The following TMEM132D variants were observed in gnomAD, a reference collection of about 807,000 sequenced individuals.
The protein encoded by TMEM132D is mature OL transmembrane protein.
Under a neutral mutation model 62.3 loss-of-function variants are expected in TMEM132D, and 21 were observed. The observed-to-expected ratio is 0.34, with a 90% confidence interval of 0.24 to 0.49. The LOEUF is 0.49. Ranked by LOEUF, TMEM132D falls within the 20% of genes least tolerant of loss-of-function variation. The pLI, the probability that TMEM132D is intolerant of heterozygous loss-of-function variation, is 0.99. For missense variants in TMEM132D, 1,346 were observed against 1,402.8 expected (o/e 0.96, Z 0.65); for synonymous variants, 621 against 575.6 (o/e 1.08, Z -1.13).
At chr12:129,620,877 G>A (rs1565925812) in intron 2 of TMEM132D, among the ~76,000 whole-genome samples, 1 of 152,134 alleles carries the variant, frequency 6.6e-6, no homozygotes, top group Non-Finnish European at 1.5e-5. Flanking sequence ...GCACACTGGG[G>A]TTAATACCTA....
intron 2 of TMEM132D, among the ~76,000 whole-genome samples, chr12:129,678,946 T>G (rs916396303): frequency 6.6e-6 from 1 of 152,056 alleles, no homozygotes; most frequent in East Asian, 1.9e-4. Flanking sequence ...GGTCTGTTTT[T>G]GGGCTTTTTC....
intron 2 of TMEM132D, among the ~76,000 whole-genome samples, chr12:129,548,189 T>A (rs570305354): frequency 2.6e-5 from 4 of 152,138 alleles, no homozygotes; most frequent in Non-Finnish European, 5.9e-5. Context: ...GGCCTTGGGG[T>A]TCCCGCCTAT....
intron 4 of TMEM132D, among the ~76,000 whole-genome samples, chr12:129,297,006 G>A (rs1426998651): frequency 6.6e-6 from 1 of 152,148 alleles, no homozygotes. Flanking sequence ...TGCTCTGCAG[G>A]GTGCTAATTC....
At chr12:129,747,215 T>TCTCCCTCCTCCCCCTCCTTCTC (rs1555229164) in intron 1 of TMEM132D, among the ~76,000 whole-genome samples, 1 of 26,172 alleles carries the variant, frequency 3.8e-5, no homozygotes, top group African/African-American at 8.3e-5. Flanking sequence ...TACTCCTCCT[T>TCTCCCTCCTCCCCCTCCTTCTC]CCAGCCACCC....
At chr12:129,324,387 G>T (rs1330610820) in intron 4 of TMEM132D, among the ~76,000 whole-genome samples, 4 of 152,172 alleles carry the variant, frequency 2.6e-5, no homozygotes, top group Non-Finnish European at 5.9e-5. Context: ...TTGCCATTTG[G>T]TGCCTGCCTG....
At chr12:129,540,671 G>C (rs778933049) in intron 2 of TMEM132D, among the ~76,000 whole-genome samples, 1 of 152,070 alleles carries the variant, frequency 6.6e-6, no homozygotes, top group Admixed American at 6.6e-5. Context: ...ATTTTTAGTA[G>C]AGATGGGGTT....
chr12:129,869,630 G>C (rs768190781), intron 1 of TMEM132D, among the ~76,000 whole-genome samples: 1 of 152,168 alleles, frequency 6.6e-6, no homozygotes, highest in Non-Finnish European at 1.5e-5. Flanking sequence ...CACGAATACA[G>C]AGCACTGTCT....
chr12:129,448,097 T>C (rs1217374724), intron 3 of TMEM132D, among the ~76,000 whole-genome samples: 15 of 152,342 alleles, frequency 9.8e-5, no homozygotes, highest in Non-Finnish European at 1.5e-5. Flanking sequence ...CCACGGACTG[T>C]AGTCTATGTC....
intron 3 of TMEM132D, among the ~76,000 whole-genome samples, chr12:129,364,634 A>T (rs748652576): frequency 1.3e-5 from 2 of 152,176 alleles, no homozygotes; most frequent in Non-Finnish European, 2.9e-5. Flanking sequence ...TTTGTCTGGC[A>T]TTGGATTCTG....
At chr12:129,499,559 C>T (rs1875063881) in intron 3 of TMEM132D, among the ~76,000 whole-genome samples, 1 of 152,196 alleles carries the variant, frequency 6.6e-6, no homozygotes, top group South Asian at 2.1e-4. Context: ...GGGACACATA[C>T]ACTGAGTGCA....
At chr12:129,374,956 C>A (rs1870741920) in intron 3 of TMEM132D, among the ~76,000 whole-genome samples, 1 of 152,132 alleles carries the variant, frequency 6.6e-6, no homozygotes, top group African/African-American at 2.4e-5. Context: ...GACATCAGAG[C>A]CGTCCCTACC....
intron 2 of TMEM132D, among the ~76,000 whole-genome samples, chr12:129,675,892 C>T (rs1379269506): frequency 6.6e-6 from 1 of 152,200 alleles, no homozygotes; most frequent in Non-Finnish European, 1.5e-5. Context: ...GTCTGAGATC[C>T]ATGACCATGA....
At chr12:129,789,521 C>T (rs908181058) in intron 1 of TMEM132D, among the ~76,000 whole-genome samples, 1 of 152,148 alleles carries the variant, frequency 6.6e-6, no homozygotes, top group East Asian at 1.9e-4. Flanking sequence ...GCAGTATATG[C>T]AATATACACC....
At chr12:129,113,513 C>T (rs1468901097) in intron 5 of TMEM132D, among the ~76,000 whole-genome samples, 2 of 152,130 alleles carry the variant, frequency 1.3e-5, no homozygotes, top group African/African-American at 4.8e-5. Context: ...CTTCATCGAG[C>T]TTACACACTG....
At chr12:129,299,225 A>G (rs993223155) in intron 4 of TMEM132D, among the ~76,000 whole-genome samples, 6 of 152,190 alleles carry the variant, frequency 3.9e-5, no homozygotes, top group Non-Finnish European at 8.8e-5. Flanking sequence ...GAATGGTAGG[A>G]ACCTGGAGGT....
At chr12:129,558,085 A>G (rs1877111872) in intron 2 of TMEM132D, among the ~76,000 whole-genome samples, 1 of 152,086 alleles carries the variant, frequency 6.6e-6, no homozygotes, top group African/African-American at 2.4e-5. Flanking sequence ...AACAACCCCA[A>G]CTCTTGCTGG....
chr12:129,647,787 GA>G (rs1169498161), intron 2 of TMEM132D, among the ~76,000 whole-genome samples: 1 of 151,926 alleles, frequency 6.6e-6, no homozygotes, highest in Non-Finnish European at 1.5e-5. Context: ...TTGATTTGTA[GA>G]AGATCTTTAA....
chr12:129,651,265 T>C (rs1007762356), intron 2 of TMEM132D, among the ~76,000 whole-genome samples: 5 of 152,234 alleles, frequency 3.3e-5, no homozygotes, highest in African/African-American at 7.2e-5. Context: ...AATATCCCTT[T>C]TTTAACTGAG....
At chr12:129,534,115 T>C (rs1246092499) in intron 2 of TMEM132D, among the ~76,000 whole-genome samples, 1 of 152,226 alleles carries the variant, frequency 6.6e-6, no homozygotes, top group Non-Finnish European at 1.5e-5. Context: ...TTTCTCCCTT[T>C]GTTTATGACA....
Sources: gnomAD v4.1 joint callset for allele counts (sites outside exome capture counted in the v4.1 genomes callset) on GRCh38, gnomAD v4.1.1 for gene constraint, MANE v1.5 for transcripts, NCBI Gene and HGNC (gene_info 2026-07-23, HGNC 2026-07-21) for gene names.